NAA20: variants seen among roughly 807,000 people sequenced by gnomAD.
The protein encoded by NAA20 is N-alpha-acetyltransferase 20, NatB catalytic subunit.
Under a neutral mutation model 23.8 loss-of-function variants are expected in NAA20, and 24 were observed. The observed-to-expected ratio is 1.01, with a 90% confidence interval of 0.73 to 1.42. The LOEUF is 1.42. Ranked by LOEUF, NAA20 falls within the 40% of genes most tolerant of loss-of-function variation. The pLI is 0.00. For missense variants in NAA20, 166 were observed against 223.1 expected, an observed-to-expected ratio of 0.74 and a Z score of 1.63; for synonymous variants, 83 against 77.7, an observed-to-expected ratio of 1.07 and a Z score of -0.36.
intron 1 of NAA20, chr20:20,017,940 T>C: frequency 6.2e-7 from 1 of 1,612,670 alleles, no homozygotes. Context: ...GCTGTTGGGA[T>C]GTGTACATCG....
rs6035516 is a variant in NAA20, at chr20:20,019,794, C to T, written c.53+2345C>T. Among the ~76,000 whole-genome samples the T allele has an allele frequency of 9.0e-3, 1,364 of 152,236 alleles. 25 individuals carry two copies. The highest frequency in any genetic ancestry group is 0.031 in the African/African-American group (1,287 of 41,536). ...GGAGACAGGGTCTTGTTTTGTTACC[C>T]GGGCTGGTCTGGAACTCCCAGGCTC... is the stretch of plus-strand genomic sequence containing the variant. On this transcript the variant is annotated intron_variant, in intron 1 of 5. Coordinates refer to ENST00000334982, the MANE Select transcript of NAA20 (RefSeq NM_016100.5).
chr20:20,032,378 A>G (rs2043349772), intron 4 of NAA20, 130 bp from the exon 5 acceptor site: 3 of 714,970 alleles, frequency 4.2e-6, no homozygotes, highest in Admixed American at 6.7e-5. Flanking sequence ...ATCAGCTACA[A>G]GGTCCTATTA....
At chr20:20,024,557 G>A (rs996297815) in intron 2 of NAA20, among the ~76,000 whole-genome samples, 17 of 152,252 alleles carry the variant, frequency 1.1e-4, no homozygotes, top group Admixed American at 7.2e-4. Context: ...TAGGAAGGAA[G>A]GATTTTAGGA....
In NAA20 at chr20:20,032,593, T is replaced by C; in HGVS notation, c.391T>C (p.Tyr131His). The stretch of plus-strand genomic sequence containing the variant: ...GTACAAGCAGTTGGGCTACAGTGTA[T>C]ATAGGACGGTCATAGAGTACTATTC... ...NMYKQLGYSV[Y>H]RTVIEYYSAS... The change falls in exon 5 of 6, where the codon TAT (tyrosine) becomes CAT (histidine). Residue 131 changes from tyrosine (Y) to histidine (H), a missense_variant. Physicochemically the swap from Tyr to His is moderately conservative, Grantham distance 83 (BLOSUM62 2). Coordinates refer to ENST00000334982, the MANE Select transcript of NAA20 (RefSeq NM_016100.5). 1 of 1,613,572 alleles carries C rather than the reference T, an allele frequency of 6.2e-7. No individual in the cohort carries two copies. The highest frequency in any genetic ancestry group is 8.5e-7 in the Non-Finnish European group (1 of 1,179,742).
intron 1 of NAA20, chr20:20,018,316 T>G (rs2043245420): frequency 1.9e-6 from 1 of 528,962 alleles, no homozygotes; most frequent in South Asian, 2.3e-5. Context: ...ATTCTGCAGT[T>G]AACATTTTGC....
In NAA20 at chr20:20,026,796, C is replaced by T; in HGVS notation, c.182C>T (p.Ala61Val). The T allele has an allele frequency of 6.2e-7, 1 of 1,614,104 alleles. No homozygotes were observed. Among genetic ancestry groups the T allele is most frequent in the Non-Finnish European group, 8.5e-7 (1 of 1,180,004 alleles). ...GELMGYIMGKAEGSVAREEWH... is the reference protein window; with the variant it reads ...GELMGYIMGKVEGSVAREEWH... The stretch of plus-strand genomic sequence containing the variant: ...TTGTTGTTGGCAGTTATGGGTAAAG[C>T]AGAAGGCTCAGTAGCTAGGGAAGAA... Residue 61 changes from alanine to valine, a missense_variant, in exon 4 of 6, where the codon GCA becomes GTA. Coordinates refer to ENST00000334982, the MANE Select transcript of NAA20 (RefSeq NM_016100.5).
At chr20:20,020,303 G>C (rs149315320) in intron 1 of NAA20, among the ~76,000 whole-genome samples, 323 of 152,338 alleles carry the variant, frequency 2.1e-3, no homozygotes, top group African/African-American at 7.5e-3. Context: ...AAAGCTGGAA[G>C]TGAGTGGGGA....
chr20:20,022,550 G>A (rs1456021649), intron 2 of NAA20, 70 bp downstream of exon 2: 2 of 1,346,922 alleles, frequency 1.5e-6, no homozygotes, highest in Admixed American at 2.4e-5. Flanking sequence ...AGAAATGAAA[G>A]GAAAACAGAG....
At chr20:20,024,547 TAGGA>T (rs980836174) in intron 2 of NAA20, among the ~76,000 whole-genome samples, 1 of 152,218 alleles carries the variant, frequency 6.6e-6, no homozygotes, top group African/African-American at 2.4e-5. Context: ...TTTCACTATA[TAGGA>T]AGGAAGGATT....
rs755308067 is a variant in NAA20 at position 20,032,466 on chromosome 20, TC to T, written c.306-41del. The T allele has an allele frequency of 2.2e-4, 348 of 1,592,904 alleles. 5 individuals are homozygous for T. The South Asian group carries it at 3.8e-3, about 17-fold the overall frequency. ...TATGTATCTATTACTTTCTAGGGTTTCTCACATTCTAACATTTTCCTTTTTT... is the reference window on the plus strand; with the variant it reads ...TATGTATCTATTACTTTCTAGGGTTTTCACATTCTAACATTTTCCTTTTTT... On this transcript the variant is annotated intron_variant, in intron 4 of 5. Transcript: ENST00000334982.
chr20:20,031,003 G>A (rs548996937), intron 4 of NAA20, among the ~76,000 whole-genome samples: 2 of 152,290 alleles, frequency 1.3e-5, no homozygotes, highest in East Asian at 1.9e-4. Flanking sequence ...GATAAGTGGA[G>A]CGATAAACTA....
In NAA20 at chr20:20,026,898, T is replaced by C; in HGVS notation, c.284T>C (p.Leu95Ser). The part of the protein sequence containing the change: ...RLGLAAKLME[L>S]LEEISERKGG... ...GGTTTGGCTGCTAAACTTATGGAGT[T>C]ACTAGAGGAGATTTCAGAAAGGTGA... Residue 95 changes from leucine to serine, a missense_variant, in exon 4 of 6, where the codon TTA (leucine) becomes TCA (serine). Leu to Ser is a moderately radical substitution (Grantham distance 145, BLOSUM62 -2). Coordinates refer to ENST00000334982, the MANE Select transcript of NAA20 (RefSeq NM_016100.5). 1 of 1,614,208 alleles carries C rather than the reference T, an allele frequency of 6.2e-7. No homozygotes were observed. Among genetic ancestry groups the C allele is most frequent in the Non-Finnish European group, 8.5e-7 (1 of 1,180,016 alleles).
At chr20:20,026,512 T>TG (rs2043307517) in intron 3 of NAA20, among the ~76,000 whole-genome samples, 2 of 61,886 alleles carry the variant, frequency 3.2e-5, no homozygotes, top group African/African-American at 7.6e-5. Context: ...CATACTCTGG[T>TG]TTTTTTTTTT....
chr20:20,030,621 T>C (rs2043336389), intron 4 of NAA20, among the ~76,000 whole-genome samples: 1 of 151,962 alleles, frequency 6.6e-6, no homozygotes, highest in Non-Finnish European at 1.5e-5. Context: ...TATATAAATA[T>C]AAAATCCATA....
intron 4 of NAA20, among the ~76,000 whole-genome samples, chr20:20,031,130 G>T (rs1421485456): frequency 6.6e-6 from 1 of 152,098 alleles, no homozygotes; most frequent in African/African-American, 2.4e-5. Context: ...ACATACAGAG[G>T]AACAGAAAGA....
intron 4 of NAA20, among the ~76,000 whole-genome samples, chr20:20,030,227 G>A (rs980859583): frequency 7.9e-5 from 12 of 152,188 alleles, no homozygotes; most frequent in African/African-American, 2.4e-4. Flanking sequence ...GCAAAATCTC[G>A]GAAAAATAAT....
intron 1 of NAA20, chr20:20,018,368 A>G (rs1001871569): frequency 5.5e-6 from 2 of 362,308 alleles, no homozygotes; most frequent in African/African-American, 4.1e-5. Flanking sequence ...TCAGTCCTGG[A>G]TCCACTTTAA....
intron 2 of NAA20, among the ~76,000 whole-genome samples, chr20:20,023,112 C>T (rs772192131): frequency 3.9e-5 from 6 of 152,152 alleles, no homozygotes; most frequent in Non-Finnish European, 5.9e-5. Flanking sequence ...GGTGAAACCC[C>T]GTCCGTCTCT....
Position 20,021,046 on chromosome 20 carries a change from G to C in NAA20, c.54-1410G>C, listed in dbSNP as rs865913653. On this transcript the variant is annotated intron_variant, in intron 1 of 5. Coordinates refer to ENST00000334982, the MANE Select transcript of NAA20 (RefSeq NM_016100.5). ...TGCGTGGGTTCGGTGGGCGGGGGGG[G>C]GGGGGGACTTTGGCAAAGACTTCTT... Among the ~76,000 whole-genome samples, 341 of 138,590 alleles carry C rather than the reference G, an allele frequency of 2.5e-3. 9 individuals are homozygous for C. Among genetic ancestry groups the C allele is most frequent in the African/African-American group, 7.2e-3 (279 of 38,734 alleles). The allele number at this position is 138,590 out of a possible 152,430, so 90.9% of individuals were successfully genotyped here. A position where few individuals can be genotyped will look rare whatever the true frequency, so the allele number is the denominator to read the frequency against.
Sources: gnomAD v4.1 joint callset for allele counts (sites outside exome capture counted in the v4.1 genomes callset) on GRCh38, gnomAD v4.1.1 for gene constraint, MANE v1.5 for transcripts, NCBI Gene and HGNC (gene_info 2026-07-23, HGNC 2026-07-21) for gene names.